Variants in PHKB observed in about 807,000 individuals in gnomAD.
PHKB encodes the protein phosphorylase kinase regulatory subunit beta.
PHKB carries 122 observed loss-of-function variants against 152.1 expected under a neutral mutation model. The observed-to-expected ratio is 0.80, with a 90% CI of 0.69 to 0.93. The LOEUF (loss-of-function observed/expected upper bound fraction) is 0.93. Ranked by LOEUF, PHKB falls within the 40% of genes least tolerant of loss-of-function variation. PHKB has a pLI of 0.00. For synonymous variants in PHKB, 436 were observed against 464.9 expected, an observed-to-expected ratio of 0.94 and a Z score of 0.80; for missense variants, 1,304 against 1,328.4, an observed-to-expected ratio of 0.98 and a Z score of 0.29.
At chr16:47,631,999 C>G (rs1972836355) in intron 14 of PHKB, among the ~76,000 whole-genome samples, 1 of 152,166 alleles carries the variant, frequency 6.6e-6, no homozygotes, top group Non-Finnish European at 1.5e-5. Context: ...ACCCAGCAAT[C>G]CCATGAGATA....
intron 28 of PHKB, among the ~76,000 whole-genome samples, 173 bp downstream of exon 28, chr16:47,693,680 TC>T (rs1275475482): frequency 1.3e-5 from 2 of 152,196 alleles, no homozygotes; most frequent in African/African-American, 4.8e-5. Context: ...AAAATTTTTT[TC>T]CCCAATCTGA....
chr16:47,568,966 C>G (rs1259724451), intron 7 of PHKB, among the ~76,000 whole-genome samples: 4 of 152,066 alleles, frequency 2.6e-5, no homozygotes, highest in East Asian at 1.9e-4. Context: ...GAAAATGTTC[C>G]ATGTGCTGAT....
chr16:47,549,981 G>T (rs1407972688), intron 7 of PHKB, among the ~76,000 whole-genome samples: 1 of 152,126 alleles, frequency 6.6e-6, no homozygotes, highest in African/African-American at 2.4e-5. Flanking sequence ...GATGAAGTTT[G>T]TCGTTTAAGT....
intron 16 of PHKB, among the ~76,000 whole-genome samples, chr16:47,643,962 T>C (rs949798343): frequency 2.0e-5 from 3 of 152,182 alleles, no homozygotes; most frequent in African/African-American, 7.2e-5. Flanking sequence ...ACTGTGTCTT[T>C]CGGTGCACTA....
intron 24 of PHKB, chr16:47,663,948 G>A (rs894418593): frequency 3.3e-6 from 2 of 599,650 alleles, no homozygotes; most frequent in Non-Finnish European, 5.9e-6. Context: ...TGTAGGGATT[G>A]AACCTGAAGA....
At chr16:47,691,752 A>C (rs1351117765) in intron 27 of PHKB, among the ~76,000 whole-genome samples, 1 of 152,104 alleles carries the variant, frequency 6.6e-6, no homozygotes, top group Non-Finnish European at 1.5e-5. Context: ...GTATACAGGA[A>C]CTTTATGGTT....
At chr16:47,540,831 T>G (rs961017736) in intron 6 of PHKB, among the ~76,000 whole-genome samples, 10 of 144,116 alleles carry the variant, frequency 6.9e-5, no homozygotes, top group Non-Finnish European at 1.5e-4. Flanking sequence ...TTTTTTTTTT[T>G]TTTTTTTTTT....
chr16:47,664,031 G>T, intron 24 of PHKB: 1 of 387,078 alleles, frequency 2.6e-6, no homozygotes, highest in Non-Finnish European at 4.7e-6. Context: ...GGTGCTTTAA[G>T]TTCTGTTTTT....
At chr16:47,667,819 G>C (rs1973566058) in intron 25 of PHKB, among the ~76,000 whole-genome samples, 1 of 151,716 alleles carries the variant, frequency 6.6e-6, no homozygotes, top group Non-Finnish European at 1.5e-5. Context: ...GGTTGGTTCT[G>C]TCCAATCTAC....
At position 47,480,484 on chromosome 16, in the gene PHKB, T is replaced by A. The variant is rs555606650; in HGVS notation, c.77-16915T>A. 4.6e-5 allele frequency among the ~76,000 whole-genome samples: 7 copies of A among 152,332 alleles called. No individual in the cohort carries two copies. In the East Asian group the frequency reaches 1.3e-3, roughly 29 times the overall value. On this transcript the variant is annotated intron_variant, in intron 1 of 30. Coordinates refer to ENST00000323584, the MANE Select transcript of PHKB (RefSeq NM_000293.3). ...TGTAAGATTCAACAATATTATGGAA[T>A]GACCGTAAAAATAGTGGTAGGTGCT... is the stretch of plus-strand genomic sequence containing the variant.
At chr16:47,615,780 G>C (rs1019591136) in intron 14 of PHKB, among the ~76,000 whole-genome samples, 1 of 152,132 alleles carries the variant, frequency 6.6e-6, no homozygotes. Context: ...ATGTATGTTC[G>C]TAAGTCTTTC....
intron 1 of PHKB, among the ~76,000 whole-genome samples, chr16:47,493,946 GA>G (rs1970191793): frequency 1.3e-5 from 2 of 152,176 alleles, no homozygotes; most frequent in South Asian, 4.1e-4. Context: ...AATAACAAAT[GA>G]AACTCTTGCC....
Position 47,463,986 on chromosome 16 carries a change from A to G in PHKB, c.76+2560A>G, listed in dbSNP as rs776399648. ...TCGTCTCTCCGTCTTCCGCTTTCTT[A>G]AGGTCTGGTAAGTGTTGTAGACCCC... On this transcript the variant is annotated intron_variant, in intron 1 of 30. Transcript: ENST00000323584. 1.2e-6 allele frequency: 2 copies of G among 1,607,906 alleles called. No individual in the cohort carries two copies. Among genetic ancestry groups the G allele is most frequent in the East Asian group, 2.2e-5 (1 of 44,846 alleles).
chr16:47,468,476 A>C (rs185817167), intron 1 of PHKB, among the ~76,000 whole-genome samples: 2 of 152,322 alleles, frequency 1.3e-5, no homozygotes, highest in East Asian at 3.9e-4. Context: ...ACATGGTGAA[A>C]CCCTGTCTCT....
At chr16:47,570,880 A>C (rs1462812310) in intron 7 of PHKB, among the ~76,000 whole-genome samples, 2 of 151,358 alleles carry the variant, frequency 1.3e-5, no homozygotes, top group Admixed American at 1.3e-4. Flanking sequence ...TGCCAGAATT[A>C]TTTTTCTGGT....
chr16:47,595,891 C>G (rs1972109186), intron 12 of PHKB, among the ~76,000 whole-genome samples: 2 of 152,152 alleles, frequency 1.3e-5, no homozygotes, highest in African/African-American at 2.4e-5. Context: ...CTTTCTATAG[C>G]TTATCAAATC....
At chr16:47,636,503 C>T (rs1260836286) in intron 14 of PHKB, among the ~76,000 whole-genome samples, 1 of 152,192 alleles carries the variant, frequency 6.6e-6, no homozygotes, top group African/African-American at 2.4e-5. Context: ...GCCTGGGAAG[C>T]CCCCGGTCCC....
At chr16:47,519,767 C>G (rs530877030) in intron 6 of PHKB, among the ~76,000 whole-genome samples, 1 of 152,140 alleles carries the variant, frequency 6.6e-6, no homozygotes, top group Admixed American at 6.5e-5. Context: ...CTAGGAGTTA[C>G]GTATGATCAG....
intron 4 of PHKB, among the ~76,000 whole-genome samples, chr16:47,503,293 G>A (rs1318018120): frequency 6.6e-6 from 1 of 152,186 alleles, no homozygotes; most frequent in African/African-American, 2.4e-5. Flanking sequence ...TAAGCAAGAG[G>A]TGATTGAGAA....
Sources: gnomAD v4.1 joint callset for allele counts (sites outside exome capture counted in the v4.1 genomes callset) on GRCh38, gnomAD v4.1.1 for gene constraint, MANE v1.5 for transcripts, NCBI Gene and HGNC (gene_info 2026-07-23, HGNC 2026-07-21) for gene names.